The following TMEM135 variants were observed in gnomAD, a reference collection of about 807,000 sequenced individuals.
TMEM135 encodes transmembrane protein 135.
A neutral mutation model predicts 60.3 loss-of-function variants in TMEM135; 30 were observed. The observed-to-expected ratio is 0.50, with a 90% CI of 0.37 to 0.68. The LOEUF is 0.68. Among genes scored for constraint, TMEM135 ranks in the 30% least tolerant of loss-of-function variants. The pLI is 0.00. For synonymous variants in TMEM135, 190 were observed against 186.7 expected (o/e 1.02, Z -0.14); for missense variants, 468 against 548.8 (o/e 0.85, Z 1.47).
At chr11:87,301,639 C>T (rs1942451575) in intron 7 of TMEM135, among the ~76,000 whole-genome samples, 1 of 152,068 alleles carries the variant, frequency 6.6e-6, no homozygotes, top group African/African-American at 2.4e-5. Flanking sequence ...GTAGTATTGC[C>T]TTGGGAAAGC....
chr11:87,045,497 G>A (rs1302555381), intron 1 of TMEM135, among the ~76,000 whole-genome samples: 7 of 151,346 alleles, frequency 4.6e-5, no homozygotes, highest in East Asian at 1.9e-4. Context: ...AGTAGAGCAG[G>A]CCAATTCTGA....
At chr11:87,106,668 A>G (rs896055666) in intron 4 of TMEM135, among the ~76,000 whole-genome samples, 2 of 151,992 alleles carry the variant, frequency 1.3e-5, no homozygotes, top group African/African-American at 4.8e-5. Flanking sequence ...ATTAGAATTC[A>G]CCAGGTCCTT....
At chr11:87,072,174 A>G (rs1258307294) in intron 3 of TMEM135, among the ~76,000 whole-genome samples, 1 of 152,186 alleles carries the variant, frequency 6.6e-6, no homozygotes, top group East Asian at 1.9e-4. Context: ...AGTCTGGGCA[A>G]CAGAGTGAGA....
chr11:87,108,713 A>G (rs1242121970), intron 4 of TMEM135, among the ~76,000 whole-genome samples: 1 of 152,138 alleles, frequency 6.6e-6, no homozygotes, highest in Non-Finnish European at 1.5e-5. Context: ...CTTTTGCTGC[A>G]TCCCATAAAT....
intron 4 of TMEM135, chr11:87,094,755 T>C (rs966271111): frequency 9.8e-5 from 20 of 203,964 alleles, no homozygotes; most frequent in African/African-American, 4.5e-4. Context: ...CTCAGGTGAC[T>C]TATAGTTGCT....
At chr11:87,203,590 A>C (rs1027163544) in intron 5 of TMEM135, among the ~76,000 whole-genome samples, 1 of 152,020 alleles carries the variant, frequency 6.6e-6, no homozygotes, top group Admixed American at 6.6e-5. Context: ...TGGATGTACC[A>C]GTTTATTTAC....
intron 4 of TMEM135, among the ~76,000 whole-genome samples, chr11:87,152,743 T>C (rs1361949271): frequency 2.0e-5 from 3 of 152,234 alleles, no homozygotes; most frequent in South Asian, 2.1e-4. Flanking sequence ...CCGGCCCTTA[T>C]GTTATTTTTG....
chr11:87,308,667 C>T (rs943074326), intron 9 of TMEM135, among the ~76,000 whole-genome samples: 3 of 152,102 alleles, frequency 2.0e-5, no homozygotes, highest in East Asian at 3.9e-4. Flanking sequence ...ACAGAAAGTA[C>T]TATTCTTTTT....
intron 5 of TMEM135, among the ~76,000 whole-genome samples, chr11:87,180,200 C>T (rs1216776177): frequency 1.3e-5 from 2 of 152,008 alleles, no homozygotes; most frequent in Admixed American, 6.6e-5. Flanking sequence ...ATCATGAGGC[C>T]GTTCCCCTGC....
chr11:87,304,130 G>T lies in TMEM135; in HGVS notation c.698+1688G>T, dbSNP rs116105452. 6.1e-3 allele frequency among the ~76,000 whole-genome samples: 933 copies of T among 152,264 alleles called. 13 individuals carry two copies. The highest frequency in any genetic ancestry group is 0.021 in the African/African-American group (867 of 41,554). On this transcript the variant is annotated intron_variant, in intron 8 of 14. Coordinates refer to ENST00000305494, the MANE Select transcript of TMEM135 (RefSeq NM_022918.4). ...TCACACCTGTAAAACTAACACTTTG[G>T]GAGACTGAGGTAGGAGAATCACTTG...
At chr11:87,228,541 G>A (rs980999646) in intron 5 of TMEM135, among the ~76,000 whole-genome samples, 1 of 152,134 alleles carries the variant, frequency 6.6e-6, no homozygotes, top group African/African-American at 2.4e-5. Flanking sequence ...GGAAGGAAGA[G>A]GATCTTAATG....
At chr11:87,067,920 GC>G in intron 2 of TMEM135, 99 bp downstream of exon 2, 4 of 1,442,736 alleles carry the variant, frequency 2.8e-6, no homozygotes, top group South Asian at 1.2e-5. Flanking sequence ...TACTATCCCC[GC>G]CCCCCCTTTT....
Position 87,038,191 on chromosome 11 carries a change from G to C in TMEM135, c.141+5G>C. 2 of 1,614,084 alleles carry C rather than the reference G, an allele frequency of 1.2e-6. No homozygotes were observed. Among genetic ancestry groups the C allele is most frequent in the Non-Finnish European group, 1.7e-6 (2 of 1,180,014 alleles). ...ATCTATGCTCCTCTGTACTTGGTGA[G>C]ACCCGTCACCCGTCCCGCAGGGCGA... On this transcript the variant is annotated splice_donor_5th_base_variant and intron_variant, in intron 1 of 14. Coordinates refer to ENST00000305494, the MANE Select transcript of TMEM135 (RefSeq NM_022918.4).
At position 87,321,426 on chromosome 11, in the gene TMEM135, G is replaced by A. The variant is rs753509045; in HGVS notation, c.*93G>A. On this transcript the variant is annotated 3_prime_UTR_variant, in exon 15 of 15. Transcript: ENST00000305494. ...GGAGGGGGCCCAAGCTCGAACTTCA[G>A]TGTTATTTCAGTTAGAGATACTCTT... is the stretch of plus-strand genomic sequence containing the variant. 1.4e-5 allele frequency: 19 copies of A among 1,365,312 alleles called. No individual in the cohort carries two copies. In the Admixed American group the frequency reaches 3.2e-4, roughly 23 times the overall value. The allele number at this position is 1,365,312 out of a possible 1,614,324, so 84.6% of individuals were successfully genotyped here.
Position 87,236,646 on chromosome 11 carries a change from G to A in TMEM135, c.471G>A (p.Leu157=), listed in dbSNP as rs1941002629. The change falls in exon 6 of 15, where the codon TTG becomes TTA. Residue 157 remains leucine, a synonymous_variant. Coordinates refer to ENST00000305494, the MANE Select transcript of TMEM135 (RefSeq NM_022918.4). The stretch of plus-strand genomic sequence containing the variant: ...TTTTCTCTTTGTTACAGGTCCTTTT[G>A]TTTTGCATCACAGCTGCCATGTACA... ...ITTLRNGEVL[L]FCITAAMYMF... is the part of the protein sequence containing the mutation. 2 of 1,612,134 alleles carry A rather than the reference G, an allele frequency of 1.2e-6. No individual in the cohort carries two copies. The highest frequency in any genetic ancestry group is 8.5e-7 in the Non-Finnish European group (1 of 1,178,944).
intron 1 of TMEM135, 66 bp downstream of exon 1, chr11:87,038,252 G>C: frequency 1.2e-6 from 2 of 1,605,470 alleles, no homozygotes; most frequent in Non-Finnish European, 1.7e-6. Context: ...GCTGCAGTTG[G>C]TGCTCCCGAG....
intron 5 of TMEM135, among the ~76,000 whole-genome samples, chr11:87,163,732 A>G (rs1374923187): frequency 6.8e-6 from 1 of 148,088 alleles, no homozygotes; most frequent in Admixed American, 6.8e-5. Context: ...TTGCCATTCT[A>G]ACTGGTGTGA....
At chr11:87,311,809 G>A (rs1942645083) in intron 10 of TMEM135, among the ~76,000 whole-genome samples, 1 of 151,836 alleles carries the variant, frequency 6.6e-6, no homozygotes, top group Admixed American at 6.6e-5. Flanking sequence ...CTGTTTCTTG[G>A]TTAACTGACC....
chr11:87,280,471 T>A (rs898094977), intron 6 of TMEM135, among the ~76,000 whole-genome samples: 4 of 152,192 alleles, frequency 2.6e-5, no homozygotes, highest in Admixed American at 2.6e-4. Flanking sequence ...ACCTCTCAGT[T>A]CTCAGAATAT....
Sources: allele counts gnomAD v4.1 joint callset (sites outside exome capture counted in the v4.1 genomes callset), GRCh38; gene constraint gnomAD v4.1.1; transcripts MANE v1.5; gene names NCBI Gene and HGNC (gene_info 2026-07-23, HGNC 2026-07-21).